The following C3orf49 variants were observed in gnomAD, a reference collection of about 807,000 sequenced individuals.
C3orf49 encodes putative uncharacterized protein C3orf49.
Under a neutral mutation model 13.3 loss-of-function variants are expected in C3orf49, and 27 were observed. The ratio of observed to expected loss-of-function variants is 2.02; its 90% CI spans 1.49 to 2.79. The LOEUF (loss-of-function observed/expected upper bound fraction) is 2.79. C3orf49 is among the 30% of genes most tolerant of loss of function. C3orf49 has a pLI of 0.00. For missense variants in C3orf49, 242 were observed against 134.2 expected, an observed-to-expected ratio of 1.80 and a Z score of -3.97; for synonymous variants, 87 against 47.6, an observed-to-expected ratio of 1.83 and a Z score of -3.40.
chr3:63,831,833 A>C lies in C3orf49; in HGVS notation c.838A>C (p.Lys280Gln), dbSNP rs1310053694. Residue 280 changes from lysine (K) to glutamine (Q), a missense_variant, in exon 5 of 7, where the codon AAA becomes CAA. Transcript: ENST00000295896. The part of the protein sequence containing the change: ...RISKRTMRKY[K>Q]LKNMTTKGPG... ...ATCCAAGAGAACCATGAGGAAGTATAAATTAAAAAATGTGTGTTTCCCATG... is the reference window on the plus strand; with the variant it reads ...ATCCAAGAGAACCATGAGGAAGTATCAATTAAAAAATGTGTGTTTCCCATG... 1.4e-6 allele frequency: 1 copy of C among 696,364 alleles called. No homozygotes were observed. The highest frequency in any genetic ancestry group is 2.1e-5 in the Admixed American group (1 of 47,614). The allele number at this position is 696,364 out of a possible 1,614,324, so 43.1% of individuals were successfully genotyped here.
At chr3:63,785,059 C>CTTTTTT in the C3orf49 span, among the ~76,000 whole-genome samples, 2 of 116,216 alleles carry the variant, frequency 1.7e-5, no homozygotes, top group East Asian at 2.6e-4. Flanking sequence ...GACTTCTCTT[C>CTTTTTT]TTCTTCTTTT....
At chr3:63,818,807 G>C (rs1701354323), upstream of C3orf49, among the ~76,000 whole-genome samples, 1 of 152,108 alleles carries the variant, frequency 6.6e-6, no homozygotes, top group Non-Finnish European at 1.5e-5. Context: ...TGGAAGGGAG[G>C]GGTGGATCAG....
chr3:63,843,667 AAG>A (rs1419190759), intron 5 of C3orf49, among the ~76,000 whole-genome samples: 6 of 152,054 alleles, frequency 3.9e-5, no homozygotes, highest in Non-Finnish European at 8.8e-5. Flanking sequence ...TTGGGAGGCC[AAG>A]GTGGGCGCAT....
At chr3:63,835,303 G>T in intron 5 of C3orf49, 1 of 1,613,202 alleles carries the variant, frequency 6.2e-7, no homozygotes, top group Non-Finnish European at 8.5e-7. Context: ...GATCATGAAG[G>T]CTAAATATAT....
chr3:63,846,175 C>T, intron 6 of C3orf49: 1 of 448,650 alleles, frequency 2.2e-6, no homozygotes, highest in Non-Finnish European at 4.5e-6. Context: ...TTACAATCTA[C>T]TACTAAATAT....
chr3:63,793,649 T>G, the C3orf49 span, among the ~76,000 whole-genome samples: 1 of 152,158 alleles, frequency 6.6e-6, no homozygotes, highest in African/African-American at 2.4e-5. Context: ...GATTATCGTT[T>G]TAAAATTGCA....
chr3:63,804,068 C>T, the C3orf49 span, among the ~76,000 whole-genome samples: 1 of 151,898 alleles, frequency 6.6e-6, no homozygotes, highest in Admixed American at 6.6e-5. Context: ...AATCTAATGC[C>T]GCCACTGATC....
At chr3:63,790,862 T>C in the C3orf49 span, among the ~76,000 whole-genome samples, 2 of 152,094 alleles carry the variant, frequency 1.3e-5, no homozygotes, top group Admixed American at 6.5e-5. Context: ...AGAAAAACTG[T>C]GGAAGAGGGA....
intron 5 of C3orf49, among the ~76,000 whole-genome samples, chr3:63,843,377 C>T (rs1343204617): frequency 6.6e-6 from 1 of 152,032 alleles, no homozygotes; most frequent in African/African-American, 2.4e-5. Flanking sequence ...CTCGGCCTCT[C>T]AAAGTGCTGG....
At chr3:63,781,928 A>C in the C3orf49 span, among the ~76,000 whole-genome samples, 1 of 152,208 alleles carries the variant, frequency 6.6e-6, no homozygotes, top group Non-Finnish European at 1.5e-5. Flanking sequence ...GGAAATTGTA[A>C]GACATTAGGT....
At chr3:63,839,920 G>T in intron 5 of C3orf49, 1 of 616,386 alleles carries the variant, frequency 1.6e-6, no homozygotes, top group African/African-American at 1.9e-5. Flanking sequence ...CTTAAAAATG[G>T]CTAGCTAAAA....
chr3:63,809,294 A>T, the C3orf49 span, among the ~76,000 whole-genome samples: 1 of 152,194 alleles, frequency 6.6e-6, no homozygotes, highest in Non-Finnish European at 1.5e-5. Flanking sequence ...CAACACTTTG[A>T]GTTCTTCCCA....
chr3:63,806,421 T>C, the C3orf49 span, among the ~76,000 whole-genome samples: 3 of 152,236 alleles, frequency 2.0e-5, no homozygotes, highest in Non-Finnish European at 4.4e-5. Flanking sequence ...GAATCTGAAC[T>C]AAGGCAATGT....
At chr3:63,790,939 C>T in the C3orf49 span, among the ~76,000 whole-genome samples, 19 of 152,284 alleles carry the variant, frequency 1.2e-4, no homozygotes, top group African/African-American at 4.6e-4. Flanking sequence ...TTTAGCTTGG[C>T]CCTGTAGGCA....
chr3:63,818,978 C>T (rs1004960609), upstream of C3orf49, among the ~76,000 whole-genome samples: 1 of 152,266 alleles, frequency 6.6e-6, no homozygotes, highest in African/African-American at 2.4e-5. Context: ...ACTGAGAGAT[C>T]TAACAGAAGC....
At chr3:63,815,669 A>C (rs952201117), upstream of C3orf49, among the ~76,000 whole-genome samples, 2 of 151,958 alleles carry the variant, frequency 1.3e-5, no homozygotes, top group Non-Finnish European at 2.9e-5. Flanking sequence ...CCACCTCCTT[A>C]AGAGATCTTT....
rs570420333 is a variant in C3orf49 at position 63,835,472 on chromosome 3, A to G, written c.849+3628A>G. 5 of 1,275,044 alleles carry G rather than the reference A, an allele frequency of 3.9e-6. No individual in the cohort carries two copies. In the Admixed American group the frequency reaches 8.4e-5, roughly 22 times the overall value. The allele number at this position is 1,275,044 out of a possible 1,614,324, so 79.0% of individuals were successfully genotyped here. On this transcript the variant is annotated intron_variant, in intron 5 of 6. Coordinates refer to ENST00000295896, the MANE Select transcript of C3orf49 (RefSeq NM_001355236.2). ...TAATGCCTAACTTTTAAGTTACTAG[A>G]TAGGATTTTTAAAATAAAAAAAGGG...
At chr3:63,843,112 ATTTG>A (rs767250587) in intron 5 of C3orf49, among the ~76,000 whole-genome samples, 32 of 149,306 alleles carry the variant, frequency 2.1e-4, no homozygotes, top group Middle Eastern at 7.4e-3. Context: ...CCGTATGTAT[ATTTG>A]TTTGTTTGTT....
the C3orf49 span, among the ~76,000 whole-genome samples, chr3:63,791,504 C>A: frequency 6.6e-6 from 1 of 152,064 alleles, no homozygotes; most frequent in African/African-American, 2.4e-5. Context: ...GAGAAGGCAC[C>A]CAATACTGTC....
Sources: gnomAD v4.1 joint callset for allele counts (sites outside exome capture counted in the v4.1 genomes callset) on GRCh38, gnomAD v4.1.1 for gene constraint, MANE v1.5 for transcripts, NCBI Gene and HGNC (gene_info 2026-07-23, HGNC 2026-07-21) for gene names.